Variants in PAPPA observed in about 807,000 individuals in gnomAD.
PAPPA encodes pappalysin-1.
Under a neutral mutation model 164.0 loss-of-function variants are expected in PAPPA, and 60 were observed. That is an observed-to-expected ratio of 0.37 (90% CI 0.30 to 0.45). The LOEUF is 0.45. Ranked by LOEUF, PAPPA falls within the 20% of genes least tolerant of loss-of-function variation. The pLI is 1.00. For missense variants in PAPPA, 1,782 were observed against 2,087.3 expected (o/e 0.85, Z 2.85); for synonymous variants, 875 against 814.1 (o/e 1.07, Z -1.27).
At chr9:116,246,196 C>T (rs1844794773) in intron 7 of PAPPA, among the ~76,000 whole-genome samples, 1 of 152,070 alleles carries the variant, frequency 6.6e-6, no homozygotes, top group African/African-American at 2.4e-5. Context: ...GACACACTTC[C>T]CATTAATATA....
At chr9:116,340,749 C>G (rs1214868804) in intron 13 of PAPPA, among the ~76,000 whole-genome samples, 2 of 152,086 alleles carry the variant, frequency 1.3e-5, no homozygotes, top group East Asian at 3.9e-4. Context: ...CAATGTGTAC[C>G]TTAGCCCCTT....
intron 17 of PAPPA, among the ~76,000 whole-genome samples, chr9:116,357,971 G>A (rs1017746871): frequency 6.6e-6 from 1 of 152,154 alleles, no homozygotes; most frequent in African/African-American, 2.4e-5. Flanking sequence ...TGCCATAAGG[G>A]GTGTAGAGCT....
At chr9:116,158,034 G>C (rs1020995649) in intron 1 of PAPPA, among the ~76,000 whole-genome samples, 1 of 152,166 alleles carries the variant, frequency 6.6e-6, no homozygotes. Context: ...GACCCCACAA[G>C]TACTGCCCTC....
At chr9:116,223,133 C>G (rs1179238170) in intron 5 of PAPPA, among the ~76,000 whole-genome samples, 2 of 152,172 alleles carry the variant, frequency 1.3e-5, no homozygotes, top group African/African-American at 4.8e-5. Flanking sequence ...AATGCACTTA[C>G]TATGCTCTGT....
chr9:116,362,345 G>A lies in PAPPA; in HGVS notation c.4348-247G>A, dbSNP rs114662738. Among the ~76,000 whole-genome samples, 1,067 of 152,182 alleles carry A rather than the reference G, an allele frequency of 7.0e-3. 13 individuals carry two copies. Among genetic ancestry groups the A allele is most frequent in the African/African-American group, 0.024 (1,005 of 41,536 alleles). On this transcript the variant is annotated intron_variant, in intron 17 of 21. Transcript: ENST00000328252. Reference sequence around the variant, plus strand: ...CTACTAAGCTCGGACTTGGGAGTTTGGCATTCTGGAAAGCCTTGAACAAGT... The same window carrying A: ...CTACTAAGCTCGGACTTGGGAGTTTAGCATTCTGGAAAGCCTTGAACAAGT...
intron 17 of PAPPA, among the ~76,000 whole-genome samples, chr9:116,357,344 C>T (rs973686176): frequency 1.3e-5 from 2 of 152,226 alleles, no homozygotes; most frequent in Admixed American, 1.3e-4. Context: ...ACGGTATTCT[C>T]GTCTCTTTAA....
At chr9:116,343,741 TTTTATTTATTTA>T (rs1224868226) in intron 13 of PAPPA, among the ~76,000 whole-genome samples, 4 of 142,230 alleles carry the variant, frequency 2.8e-5, no homozygotes, top group African/African-American at 7.9e-5. Context: ...TACCACTTAT[TTTTATTTATTTA>T]TTTATTTATT....
At chr9:116,280,551 G>A (rs984270185) in intron 9 of PAPPA, among the ~76,000 whole-genome samples, 19 of 152,228 alleles carry the variant, frequency 1.2e-4, no homozygotes, top group African/African-American at 4.6e-4. Flanking sequence ...AAGGAGGGAT[G>A]AGGCTGAAGT....
chr9:116,265,919 G>A lies in PAPPA; in HGVS notation c.2795G>A (p.Ser932Asn). ...ATAACTATTTCAGGAACTGAAGAGA[G>A]TGAGCCATCACCTGCTGTCACATAC... Reference protein sequence around the residue: ...WVITISGTEESEPSPAVTYIH... With the variant: ...WVITISGTEENEPSPAVTYIH... Residue 932 changes from serine to asparagine, a missense_variant, in exon 8 of 22, where the codon AGT becomes AAT. Coordinates refer to ENST00000328252, the MANE Select transcript of PAPPA (RefSeq NM_002581.5). The A allele has an allele frequency of 6.2e-7, 1 of 1,612,454 alleles. No homozygotes were observed. Among genetic ancestry groups the A allele is most frequent in the Non-Finnish European group, 8.5e-7 (1 of 1,178,534 alleles).
intron 13 of PAPPA, among the ~76,000 whole-genome samples, chr9:116,336,475 A>G (rs1440349489): frequency 6.6e-6 from 1 of 152,198 alleles, no homozygotes; most frequent in Non-Finnish European, 1.5e-5. Flanking sequence ...TATAAAAATA[A>G]GTTAATTCTC....
intron 9 of PAPPA, among the ~76,000 whole-genome samples, chr9:116,280,304 A>G (rs1845250908): frequency 6.6e-6 from 1 of 152,180 alleles, no homozygotes; most frequent in South Asian, 2.1e-4. Context: ...AAATGGAAAT[A>G]CTTGGAAGTA....
chr9:116,352,632 T>A (rs537040730), intron 15 of PAPPA, 74 bp from the exon 16 acceptor site: 1 of 1,204,560 alleles, frequency 8.3e-7, no homozygotes, highest in Admixed American at 1.7e-5. Flanking sequence ...TCAGCTAAAA[T>A]CCAAGTAGCT....
At chr9:116,219,868 G>T (rs977369232) in intron 4 of PAPPA, 69 bp from the exon 5 acceptor site, 31 of 1,345,204 alleles carry the variant, frequency 2.3e-5, no homozygotes, top group East Asian at 4.6e-5. Flanking sequence ...GCCAGGAGCC[G>T]TCATTACTCT....
Position 116,401,592 on chromosome 9 carries a change from GTATA to G in PAPPA, c.*4983_*4986del, listed in dbSNP as rs914274761. 1.3e-5 allele frequency: 2 copies of G among 151,016 alleles called. No homozygotes were observed. Among genetic ancestry groups the G allele is most frequent in the East Asian group, 1.9e-4 (1 of 5,164 alleles). 9.4% of individuals were successfully genotyped at this position (151,016 alleles called of 1,614,324 possible). On this transcript the variant is annotated 3_prime_UTR_variant, in exon 22 of 22. Coordinates refer to ENST00000328252, the MANE Select transcript of PAPPA (RefSeq NM_002581.5). ...TATATATAGTTGTACATATATGTGTGTATATATATACTTAAATGTAATATTTACA... is the reference window on the plus strand; with the variant it reads ...TATATATAGTTGTACATATATGTGTGTATATACTTAAATGTAATATTTACA...
At chr9:116,391,591 C>T (rs950546909) in intron 21 of PAPPA, among the ~76,000 whole-genome samples, 5 of 152,232 alleles carry the variant, frequency 3.3e-5, no homozygotes, top group African/African-American at 1.2e-4. Context: ...CATTCCTGAG[C>T]CACTCACACT....
intron 13 of PAPPA, among the ~76,000 whole-genome samples, chr9:116,341,723 T>A (rs535071658): frequency 7.2e-5 from 11 of 152,346 alleles, no homozygotes; most frequent in Non-Finnish European, 1.5e-4. Context: ...TAGAACAATG[T>A]CTGGTGCTCA....
chr9:116,372,730 AAG>A (rs1386079630), intron 19 of PAPPA, among the ~76,000 whole-genome samples: 2 of 152,190 alleles, frequency 1.3e-5, no homozygotes, highest in Admixed American at 6.5e-5. Context: ...GGGAGGCGGA[AAG>A]AGAGGGAGGG....
At chr9:116,312,288 CTTT>C (rs5900201) in intron 10 of PAPPA, among the ~76,000 whole-genome samples, 1,399 of 129,640 alleles carry the variant, frequency 0.011, 8 homozygotes, top group South Asian at 0.047. Context: ...TTCTTTCTTT[CTTT>C]TTTTTTTTTT....
chr9:116,354,523 C>T lies in PAPPA; in HGVS notation c.4347+730C>T, dbSNP rs1846327185. ...TGGGGATAGATTTCAGTGCAGGCGT[C>T]GTCTTCAATCAGTCTTTATTGGTCT... On this transcript the variant is annotated intron_variant, in intron 17 of 21. Transcript: ENST00000328252. 2.0e-5 allele frequency among the ~76,000 whole-genome samples: 3 copies of T among 152,164 alleles called. No individual in the cohort carries two copies. In the South Asian group the frequency reaches 6.2e-4, roughly 32 times the overall value.
Sources: allele counts gnomAD v4.1 joint callset (sites outside exome capture counted in the v4.1 genomes callset), GRCh38; gene constraint gnomAD v4.1.1; transcripts MANE v1.5; gene names NCBI Gene and HGNC (gene_info 2026-07-23, HGNC 2026-07-21).